AKAP1: variants seen among roughly 807,000 people sequenced by gnomAD.
AKAP1 encodes the protein A-kinase anchoring protein 1.
In AKAP1, 32 loss-of-function variants were observed where a neutral mutation model predicts 79.8. The observed-to-expected ratio is 0.40, with a 90% CI of 0.30 to 0.54. The LOEUF (loss-of-function observed/expected upper bound fraction) is 0.54, where lower values mean the gene tolerates loss of function less well. AKAP1 is among the 20% of genes least tolerant of loss of function. The pLI is 0.47. For missense variants in AKAP1, 961 were observed against 1,138.9 expected, an observed-to-expected ratio of 0.84 and a Z score of 2.25; for synonymous variants, 416 against 466.7, an observed-to-expected ratio of 0.89 and a Z score of 1.40.
intron 1 of AKAP1, among the ~76,000 whole-genome samples, chr17:57,091,856 T>C (rs1453306175): frequency 1.3e-5 from 2 of 151,940 alleles, no homozygotes; most frequent in African/African-American, 4.8e-5. Flanking sequence ...GCCTGGCTAG[T>C]TAAAAAAATT....
intron 1 of AKAP1, among the ~76,000 whole-genome samples, chr17:57,091,406 G>A (rs372025915): frequency 6.6e-6 from 1 of 152,310 alleles, no homozygotes; most frequent in Admixed American, 6.5e-5. Flanking sequence ...CCACCGCCTC[G>A]TCAGGAGAGA....
In AKAP1 at chr17:57,110,176, C is replaced by T. The variant is rs1237749688; in HGVS notation, c.1848+18C>T. On this transcript the variant is annotated intron_variant, in intron 3 of 10. Transcript: ENST00000337714. ...TGCCAAAGGTAGGGGCGGAGTCCCC[C>T]AGGCTGGTTCTGTGGTAAGCCCAAA... 6.2e-7 allele frequency: 1 copy of T among 1,612,802 alleles called. No homozygotes were observed. The highest frequency in any genetic ancestry group is 8.5e-7 in the Non-Finnish European group (1 of 1,179,700).
At chr17:57,105,240 C>T (rs1338407433) in intron 1 of AKAP1, among the ~76,000 whole-genome samples, 1 of 152,094 alleles carries the variant, frequency 6.6e-6, no homozygotes, top group Non-Finnish European at 1.5e-5. Context: ...GGGAAGATGC[C>T]TCTTCCTGGC....
Position 57,116,187 on chromosome 17 carries a change from C to A in AKAP1, c.2358C>A (p.Thr786=). 6.2e-7 allele frequency: 1 copy of A among 1,614,156 alleles called. No homozygotes were observed. The highest frequency in any genetic ancestry group is 8.5e-7 in the Non-Finnish European group (1 of 1,180,024). ...RAQVVASYEE[T]NEVEIRYVDY... is the part of the protein sequence containing the mutation. The stretch of plus-strand genomic sequence containing the variant: ...AAGTGGTTGCCTCCTACGAGGAGAC[C>A]AACGAAGTGGAGATTCGATACGTGG... Residue 786 remains threonine (T), a synonymous_variant, in exon 7 of 11, where the codon ACC becomes ACA. Coordinates refer to ENST00000337714, the MANE Select transcript of AKAP1 (RefSeq NM_003488.4).
chr17:57,106,470 G>C lies in AKAP1; in HGVS notation c.1006G>C (p.Glu336Gln), dbSNP rs770755830. ...RNEESLDRNEEGLDRNEEIKR... is the reference protein window; with the variant it reads ...RNEESLDRNEQGLDRNEEIKR... ...TGAGGAGAGCTTGGATAGAAATGAG[G>C]AGGGCTTGGATAGAAATGAGGAGAT... The change falls in exon 2 of 11, where the codon GAG becomes CAG. Residue 336 changes from glutamate to glutamine, a missense_variant. Around this residue, in one of 3 missense-constraint regions of AKAP1, gnomAD observed 629 missense variants for 781.1 expected, o/e 0.81. Transcript: ENST00000337714. 1 of 1,609,114 alleles carries C rather than the reference G, an allele frequency of 6.2e-7. No individual in the cohort carries two copies. The highest frequency in any genetic ancestry group is 1.1e-5 in the South Asian group (1 of 90,826).
chr17:57,104,514 C>G (rs1383153644), intron 1 of AKAP1, among the ~76,000 whole-genome samples: 4 of 152,190 alleles, frequency 2.6e-5, no homozygotes, highest in Non-Finnish European at 5.9e-5. Flanking sequence ...TCTAATGCAC[C>G]TAACCTACTG....
chr17:57,102,719 G>A (rs1269227486), intron 1 of AKAP1, among the ~76,000 whole-genome samples: 1 of 151,792 alleles, frequency 6.6e-6, no homozygotes. Flanking sequence ...TGATCCACCC[G>A]CCTCAGCCTC....
chr17:57,120,370 G>A lies in AKAP1; in HGVS notation c.*46G>A, dbSNP rs749726011. On this transcript the variant is annotated 3_prime_UTR_variant, in exon 11 of 11. Transcript: ENST00000337714. ...AGTCTTTTTTTGCACTGTTGAAATTGGGCTTGGCACTCAAGTCAAAGATGA... is the reference window on the plus strand; with the variant it reads ...AGTCTTTTTTTGCACTGTTGAAATTAGGCTTGGCACTCAAGTCAAAGATGA... 6.4e-7 allele frequency: 1 copy of A among 1,551,274 alleles called. No individual in the cohort carries two copies. The highest frequency in any genetic ancestry group is 1.1e-5 in the South Asian group (1 of 87,020).
In AKAP1 at chr17:57,120,570, TAAAAAA is replaced by T. The variant is rs5821162; in HGVS notation, c.*258_*263del. ...TGGCTTATGCTGGTTCTCAGCTGTT[TAAAAAA>T]AAAAAAAAAAAGGAATAGAAACAGT... is the stretch of plus-strand genomic sequence containing the variant. On this transcript the variant is annotated 3_prime_UTR_variant, in exon 11 of 11. Transcript: ENST00000337714. 1.4e-5 allele frequency: 3 copies of T among 220,734 alleles called. No individual in the cohort carries two copies. The highest frequency in any genetic ancestry group is 8.8e-5 in the East Asian group (1 of 11,356). The allele number at this position is 220,734 out of a possible 1,614,324, so 13.7% of individuals were successfully genotyped here.
intron 1 of AKAP1, among the ~76,000 whole-genome samples, chr17:57,091,740 G>A (rs1913798083): frequency 6.6e-6 from 1 of 152,024 alleles, no homozygotes; most frequent in African/African-American, 2.4e-5. Flanking sequence ...CCAGGCTAGA[G>A]TACAGTGGCT....
At chr17:57,091,296 G>C (rs760562199) in intron 1 of AKAP1, among the ~76,000 whole-genome samples, 9 of 151,518 alleles carry the variant, frequency 5.9e-5, no homozygotes, top group Non-Finnish European at 1.0e-4. Context: ...GCATGTGCTG[G>C]TGCTATTTTT....
Position 57,120,961 on chromosome 17 carries a change from G to A in AKAP1, c.*637G>A, listed in dbSNP as rs2078340464. On this transcript the variant is annotated 3_prime_UTR_variant, in exon 11 of 11. Transcript: ENST00000337714. ...ATCCTGCCAAGCCTGGTTGTAATTT[G>A]TAACCATTTTCTATTTGTGCAAACT... 1.3e-5 allele frequency: 2 copies of A among 152,796 alleles called. No homozygotes were observed. Among genetic ancestry groups the A allele is most frequent in the Admixed American group, 1.3e-4 (2 of 15,298 alleles). 9.5% of individuals were successfully genotyped at this position (152,796 alleles called of 1,614,324 possible).
chr17:57,098,397 G>A (rs571739411), intron 1 of AKAP1: 9 of 152,400 alleles, frequency 5.9e-5, no homozygotes, highest in Non-Finnish European at 4.4e-5. Flanking sequence ...CCTGGGGGAG[G>A]AGCCAGCCTT....
intron 1 of AKAP1, chr17:57,098,544 G>A (rs1914265730): frequency 6.6e-6 from 1 of 152,208 alleles, no homozygotes; most frequent in Admixed American, 6.5e-5. Flanking sequence ...CAGGAAGGAA[G>A]ATGTCAGAAG....
chr17:57,088,516 A>T lies in AKAP1; in HGVS notation c.-25+3118A>T, dbSNP rs535967740. On this transcript the variant is annotated intron_variant, in intron 1 of 10. Coordinates refer to ENST00000337714, the MANE Select transcript of AKAP1 (RefSeq NM_003488.4). ...GCTGGAGGTCATTCTGGATTGTTTC[A>T]GTGGCTGTCACACAAATTCAAATTG... 2.3e-3 allele frequency among the ~76,000 whole-genome samples: 352 copies of T among 152,362 alleles called. 2 individuals carry two copies. The highest frequency in any genetic ancestry group is 8.0e-3 in the African/African-American group (333 of 41,588).
chr17:57,111,252 A>G (rs1455831298), intron 3 of AKAP1, among the ~76,000 whole-genome samples: 1 of 152,192 alleles, frequency 6.6e-6, no homozygotes, highest in African/African-American at 2.4e-5. Flanking sequence ...GCACTTCTGC[A>G]TGCCTCCTGC....
At chr17:57,088,284 T>C (rs942253471) in intron 1 of AKAP1, among the ~76,000 whole-genome samples, 5 of 152,216 alleles carry the variant, frequency 3.3e-5, no homozygotes, top group Non-Finnish European at 5.9e-5. Context: ...CCTCCTGGCC[T>C]TGGTACCTAA....
At chr17:57,114,419 A>G in intron 5 of AKAP1, 40 bp from the exon 6 acceptor site, 1 of 1,604,806 alleles carries the variant, frequency 6.2e-7, no homozygotes, top group Admixed American at 1.7e-5. Context: ...ATGAGATAAG[A>G]AGGATTGTTT....
At chr17:57,108,988 C>A (rs1221499241) in intron 2 of AKAP1, among the ~76,000 whole-genome samples, 1 of 152,200 alleles carries the variant, frequency 6.6e-6, no homozygotes, top group Admixed American at 6.5e-5. Flanking sequence ...CTGCATGAAT[C>A]CTGTTCGAAG....
Sources: allele counts gnomAD v4.1 joint callset (sites outside exome capture counted in the v4.1 genomes callset), GRCh38; gene constraint gnomAD v4.1.1; regional missense constraint gnomAD v4.1.1; transcripts MANE v1.5; gene names NCBI Gene and HGNC (gene_info 2026-07-23, HGNC 2026-07-21).